Variants in UIMC1 observed in about 807,000 individuals in gnomAD.
The protein encoded by UIMC1 is ubiquitin interaction motif containing 1, also known as BRCA1-A complex subunit RAP80.
UIMC1 carries 42 observed loss-of-function variants against 84.9 expected under a neutral mutation model. The observed-to-expected ratio is 0.49, with a 90% CI of 0.39 to 0.64. The LOEUF (loss-of-function observed/expected upper bound fraction) is 0.64. Ranked by LOEUF, UIMC1 falls within the 30% of genes least tolerant of loss-of-function variation. The probability of loss-of-function intolerance (pLI) is 0.00; values close to 1 mark genes in which losing one functional copy is unlikely to be tolerated. For missense variants in UIMC1, 825 were observed against 847.6 expected, an observed-to-expected ratio of 0.97 and a Z score of 0.33; for synonymous variants, 281 against 293.0, an observed-to-expected ratio of 0.96 and a Z score of 0.42.
chr5:176,925,174 C>A (rs909721270), intron 10 of UIMC1, among the ~76,000 whole-genome samples: 52 of 151,922 alleles, frequency 3.4e-4, no homozygotes, highest in Non-Finnish European at 8.8e-5. Flanking sequence ...CCACATAATC[C>A]AATTTTAAAA....
chr5:176,912,790 T>G (rs1045447659), intron 10 of UIMC1, among the ~76,000 whole-genome samples: 2 of 152,036 alleles, frequency 1.3e-5, no homozygotes, highest in African/African-American at 4.8e-5. Flanking sequence ...CTCAGCCTCC[T>G]GAGTAGCTGG....
chr5:176,994,034 T>C (rs1773249155), intron 1 of UIMC1, among the ~76,000 whole-genome samples: 2 of 147,718 alleles, frequency 1.4e-5, no homozygotes, highest in African/African-American at 2.5e-5. Flanking sequence ...GAAGAAAGTA[T>C]ACAAAAATCA....
At chr5:176,938,642 C>T (rs1764019685) in intron 10 of UIMC1, among the ~76,000 whole-genome samples, 1 of 152,166 alleles carries the variant, frequency 6.6e-6, no homozygotes, top group Non-Finnish European at 1.5e-5. Context: ...TGGCCATTTC[C>T]CTTGCTTCTT....
At chr5:176,933,738 G>T (rs1285329326) in intron 10 of UIMC1, among the ~76,000 whole-genome samples, 1 of 151,844 alleles carries the variant, frequency 6.6e-6, no homozygotes, top group Non-Finnish European at 1.5e-5. Context: ...GTCTTCCTAT[G>T]TTGCTCAGGC....
At chr5:176,970,685 G>A (rs1769077058) in intron 4 of UIMC1, 57 bp downstream of exon 4, 3 of 1,612,346 alleles carry the variant, frequency 1.9e-6, no homozygotes, top group African/African-American at 2.7e-5. Flanking sequence ...CAACACCACA[G>A]AAGTCAAAAA....
intron 10 of UIMC1, among the ~76,000 whole-genome samples, chr5:176,939,408 T>C (rs1764148121): frequency 6.6e-6 from 1 of 152,226 alleles, no homozygotes; most frequent in South Asian, 2.1e-4. Context: ...TACAGTCATG[T>C]GCCACAAAAA....
rs149255078 is a variant in UIMC1 at position 176,966,581 on chromosome 5, A to G, written c.1200+1974T>C. 9.0e-3 allele frequency among the ~76,000 whole-genome samples: 1,377 copies of G among 152,300 alleles called. 6 individuals carry two copies. Among genetic ancestry groups the G allele is most frequent in the South Asian group, 0.025 (121 of 4,826 alleles). ...AAACAGAATACTCTTTAAAATTACA[A>G]TTTATATATAAAGAGTTTATATTAT... On this transcript the variant is annotated intron_variant, in intron 6 of 14. Transcript: ENST00000511320.
At chr5:176,955,043 AG>A (rs1287839461) in intron 8 of UIMC1, among the ~76,000 whole-genome samples, 1 of 152,236 alleles carries the variant, frequency 6.6e-6, no homozygotes, top group African/African-American at 2.4e-5. Context: ...TCAATCTCAC[AG>A]GAATGAGGCT....
chr5:176,987,047 C>T (rs933790476), intron 1 of UIMC1, among the ~76,000 whole-genome samples: 2 of 152,002 alleles, frequency 1.3e-5, no homozygotes, highest in Non-Finnish European at 2.9e-5. Context: ...TGGTGAAACC[C>T]TGTCTCCACT....
At chr5:176,924,985 C>A (rs867808156) in intron 10 of UIMC1, among the ~76,000 whole-genome samples, 1 of 147,934 alleles carries the variant, frequency 6.8e-6, no homozygotes, top group Non-Finnish European at 1.5e-5. Flanking sequence ...GAGCTGAGAT[C>A]GTGCCACTGC....
At chr5:176,925,178 T>G (rs1428816246) in intron 10 of UIMC1, among the ~76,000 whole-genome samples, 1 of 152,170 alleles carries the variant, frequency 6.6e-6, no homozygotes, top group East Asian at 1.9e-4. Context: ...ATAATCCAAT[T>G]TTAAAATGGA....
At position 176,996,304 on chromosome 5, in the gene UIMC1, C is replaced by T. The variant is rs142817789; in HGVS notation, c.-9+10346G>A. On this transcript the variant is annotated intron_variant, in intron 1 of 14. Coordinates refer to ENST00000511320, the MANE Select transcript of UIMC1 (RefSeq NM_001199298.2). ...CAGGTCAGAAGAGGAAGAGAAATTA[C>T]TGGTAAGGGGCAGGAGGGTAACTTT... Among the ~76,000 whole-genome samples, 50 of 152,238 alleles carry T rather than the reference C, an allele frequency of 3.3e-4. No homozygotes were observed. The East Asian group carries it at 7.7e-3, about 23-fold the overall frequency.
At chr5:176,957,043 C>G (rs1166772848) in intron 7 of UIMC1, among the ~76,000 whole-genome samples, 1 of 152,144 alleles carries the variant, frequency 6.6e-6, no homozygotes, top group Non-Finnish European at 1.5e-5. Flanking sequence ...CCAACTCTCT[C>G]CTGGTGACAA....
At chr5:176,992,435 A>G (rs1350627164) in intron 1 of UIMC1, among the ~76,000 whole-genome samples, 1 of 151,340 alleles carries the variant, frequency 6.6e-6, no homozygotes, top group East Asian at 1.9e-4. Context: ...GACGAGCCTC[A>G]GCAACATAGT....
rs1459836362 is a variant in UIMC1 at position 176,942,677 on chromosome 5, C to T, written c.1597+658G>A. Among the ~76,000 whole-genome samples, 9 of 145,050 alleles carry T rather than the reference C, an allele frequency of 6.2e-5. No homozygotes were observed. In the East Asian group the frequency reaches 1.2e-3, roughly 20 times the overall value. On this transcript the variant is annotated intron_variant, in intron 10 of 14. Transcript: ENST00000511320. ...AGGAGAATGGTGTGAACCCAGGAGG[C>T]GGAGCTTTCAGTGAGCCAAGATCGC...
intron 2 of UIMC1, among the ~76,000 whole-genome samples, chr5:176,979,823 G>A (rs1770741740): frequency 1.3e-5 from 2 of 152,260 alleles, no homozygotes; most frequent in African/African-American, 4.8e-5. Flanking sequence ...TTTAGTATCA[G>A]TTTGACTGGA....
intron 6 of UIMC1, among the ~76,000 whole-genome samples, chr5:176,967,903 TA>T (rs35985130): frequency 0.26 from 34,561 of 134,324 alleles, 4,557 homozygotes; most frequent in African/African-American, 0.38. Context: ...ACCTTGTCTT[TA>T]AAAAAAAAAA....
intron 6 of UIMC1, among the ~76,000 whole-genome samples, chr5:176,959,783 G>A (rs939418777): frequency 6.6e-6 from 1 of 151,196 alleles, no homozygotes; most frequent in Non-Finnish European, 1.5e-5. Flanking sequence ...TGTAATCCCA[G>A]CACTTTGGGA....
chr5:176,943,884 C>G (rs575686061), intron 9 of UIMC1, among the ~76,000 whole-genome samples: 1 of 152,168 alleles, frequency 6.6e-6, no homozygotes, highest in Admixed American at 6.5e-5. Context: ...TGCAAAGTCA[C>G]AGAACAAGTA....
Sources: gnomAD v4.1 joint callset for allele counts (sites outside exome capture counted in the v4.1 genomes callset) on GRCh38, gnomAD v4.1.1 for gene constraint, MANE v1.5 for transcripts, NCBI Gene and HGNC (gene_info 2026-07-23, HGNC 2026-07-21) for gene names.